JARID2: variants seen among roughly 807,000 people sequenced by gnomAD.
JARID2 encodes protein Jumonji.
JARID2 carries 21 observed loss-of-function variants against 125.6 expected under a neutral mutation model. The observed-to-expected ratio is 0.17, with a 90% confidence interval of 0.12 to 0.24. The LOEUF (loss-of-function observed/expected upper bound fraction) is 0.24, where lower values mean the gene tolerates loss of function less well. JARID2 is among the 10% of genes least tolerant of loss of function. The probability of loss-of-function intolerance (pLI) is 1.00; values close to 1 mark genes in which losing one functional copy is unlikely to be tolerated. For missense variants in JARID2, 1,303 were observed against 1,639.6 expected (o/e 0.79, Z 3.55); for synonymous variants, 736 against 661.6 (o/e 1.11, Z -1.73).
chr6:15,378,380 C>T (rs1195040722), intron 2 of JARID2, among the ~76,000 whole-genome samples: 2 of 151,696 alleles, frequency 1.3e-5, no homozygotes, highest in Non-Finnish European at 2.9e-5. Flanking sequence ...AGGATGAGAA[C>T]ATGTGCCTTA....
At chr6:15,303,606 A>T (rs1033576467) in intron 1 of JARID2, among the ~76,000 whole-genome samples, 3 of 152,254 alleles carry the variant, frequency 2.0e-5, no homozygotes, top group African/African-American at 7.2e-5. Flanking sequence ...TGCCCAGCCA[A>T]ATAATACCCA....
At chr6:15,493,275 T>C (rs1347322529) in intron 6 of JARID2, among the ~76,000 whole-genome samples, 1 of 152,176 alleles carries the variant, frequency 6.6e-6, no homozygotes, top group African/African-American at 2.4e-5. Flanking sequence ...CTGATTCCCT[T>C]TCTTGATCCT....
At chr6:15,393,414 A>T (rs1581497360) in intron 2 of JARID2, among the ~76,000 whole-genome samples, 1 of 152,234 alleles carries the variant, frequency 6.6e-6, no homozygotes, top group Non-Finnish European at 1.5e-5. Context: ...TGGTAGCTCC[A>T]TCTCATTTCC....
At chr6:15,415,653 C>CG (rs1365408735) in intron 3 of JARID2, among the ~76,000 whole-genome samples, 3 of 146,886 alleles carry the variant, frequency 2.0e-5, no homozygotes, top group Non-Finnish European at 4.5e-5. Flanking sequence ...GCTGACCCCC[C>CG]CCACCTCCCT....
chr6:15,368,265 G>A (rs895154824), intron 1 of JARID2, among the ~76,000 whole-genome samples: 4 of 152,166 alleles, frequency 2.6e-5, no homozygotes, highest in African/African-American at 7.2e-5. Context: ...TCTTTAAAAT[G>A]AGTAGAGGAG....
intron 1 of JARID2, among the ~76,000 whole-genome samples, chr6:15,311,287 G>A (rs188477116): frequency 1.1e-4 from 17 of 152,290 alleles, no homozygotes; most frequent in Middle Eastern, 3.4e-3. Context: ...ATTAGAAAAA[G>A]TCTGAAGAGG....
intron 1 of JARID2, among the ~76,000 whole-genome samples, chr6:15,283,543 C>T (rs530864583): frequency 3.9e-4 from 59 of 149,986 alleles, no homozygotes; most frequent in African/African-American, 1.1e-3. Context: ...GGGATTTCAC[C>T]GTGTTAGCCA....
intron 6 of JARID2, 87 bp from the exon 7 acceptor site, chr6:15,496,044 AG>A: frequency 9.3e-7 from 1 of 1,069,728 alleles, no homozygotes. Context: ...CCCAGCATCC[AG>A]GGTCCTTTCT....
intron 1 of JARID2, among the ~76,000 whole-genome samples, chr6:15,370,433 G>A (rs890743279): frequency 6.7e-6 from 1 of 150,310 alleles, no homozygotes; most frequent in Admixed American, 6.7e-5. Flanking sequence ...TGCCTCCCAG[G>A]TTCATGCCAT....
chr6:15,502,601 C>T (rs1023261338), intron 8 of JARID2, among the ~76,000 whole-genome samples: 1 of 152,228 alleles, frequency 6.6e-6, no homozygotes, highest in Non-Finnish European at 1.5e-5. Flanking sequence ...TACCATCACA[C>T]ATCTTAGAAA....
chr6:15,265,373 A>C (rs1030946227), intron 1 of JARID2, among the ~76,000 whole-genome samples: 1 of 151,984 alleles, frequency 6.6e-6, no homozygotes, highest in African/African-American at 2.4e-5. Context: ...CATTAAAAAA[A>C]AAAAAACAAA....
intron 1 of JARID2, among the ~76,000 whole-genome samples, chr6:15,319,049 T>A (rs1762266939): frequency 6.6e-6 from 1 of 152,190 alleles, no homozygotes; most frequent in African/African-American, 2.4e-5. Context: ...AGATGAAAAA[T>A]AAAATTGGGC....
intron 1 of JARID2, among the ~76,000 whole-genome samples, chr6:15,258,910 T>C (rs1759770403): frequency 6.6e-6 from 1 of 152,242 alleles, no homozygotes; most frequent in Admixed American, 6.5e-5. Context: ...GGGTCATCTG[T>C]GCTGATTATA....
intron 1 of JARID2, among the ~76,000 whole-genome samples, chr6:15,359,365 G>A (rs966670422): frequency 6.6e-6 from 1 of 152,144 alleles, no homozygotes; most frequent in Non-Finnish European, 1.5e-5. Flanking sequence ...GCATCCAGAG[G>A]TTGCTCTTCT....
chr6:15,449,135 T>G (rs898918342), intron 3 of JARID2, among the ~76,000 whole-genome samples: 1 of 152,156 alleles, frequency 6.6e-6, no homozygotes, highest in Non-Finnish European at 1.5e-5. Context: ...ATCCTGCCTC[T>G]GGGCTTCTGG....
chr6:15,512,888 C>T, intron 14 of JARID2, 27 bp from the exon 15 acceptor site: 1 of 1,611,840 alleles, frequency 6.2e-7, no homozygotes, highest in Non-Finnish European at 8.5e-7. Context: ...GAAAATCCAC[C>T]CTAAAGGGAT....
chr6:15,351,350 G>GT (rs1407128576), intron 1 of JARID2, among the ~76,000 whole-genome samples: 2 of 152,218 alleles, frequency 1.3e-5, no homozygotes, highest in South Asian at 4.1e-4. Context: ...TCTTGTTTTT[G>GT]TTCCCACCAA....
chr6:15,429,935 C>G lies in JARID2; in HGVS notation c.323+19570C>G, dbSNP rs567358081. Among the ~76,000 whole-genome samples, 17 of 152,238 alleles carry G rather than the reference C, an allele frequency of 1.1e-4. No homozygotes were observed. The South Asian group carries it at 3.1e-3, about 28-fold the overall frequency. On this transcript the variant is annotated intron_variant, in intron 3 of 17. Transcript: ENST00000341776. ...TAATAAGGAAGTGTGTATTTCTAGC[C>G]TCACAGCAGGCTTGTGAGTCCTCAG...
intron 1 of JARID2, among the ~76,000 whole-genome samples, chr6:15,348,422 A>T (rs1258813700): frequency 1.3e-5 from 2 of 152,114 alleles, no homozygotes; most frequent in Admixed American, 6.6e-5. Flanking sequence ...TTTTTCTATG[A>T]ATATTCTTTG....
Sources: allele counts gnomAD v4.1 joint callset (sites outside exome capture counted in the v4.1 genomes callset), GRCh38; gene constraint gnomAD v4.1.1; transcripts MANE v1.5; gene names NCBI Gene and HGNC (gene_info 2026-07-23, HGNC 2026-07-21).